Variants in GPC5 observed in about 807,000 individuals in gnomAD.
The protein encoded by GPC5 is glypican 5.
Under a neutral mutation model 53.9 loss-of-function variants are expected in GPC5, and 47 were observed. The observed-to-expected ratio is 0.87, with a 90% CI of 0.69 to 1.11. The LOEUF (loss-of-function observed/expected upper bound fraction) is 1.11. Ranked by LOEUF, GPC5 falls within the 50% of genes most tolerant of loss-of-function variation. GPC5 has a pLI of 0.00. For synonymous variants in GPC5, 286 were observed against 263.3 expected (o/e 1.09, Z -0.84); for missense variants, 748 against 713.1 (o/e 1.05, Z -0.56).
intron 2 of GPC5, among the ~76,000 whole-genome samples, chr13:91,549,442 G>A (rs1594239622): frequency 6.6e-6 from 1 of 152,056 alleles, no homozygotes; most frequent in Admixed American, 6.6e-5. Context: ...TGAAAAAGAT[G>A]ATGTCAAGAG....
chr13:92,610,561 C>G (rs1171246143), intron 7 of GPC5, among the ~76,000 whole-genome samples: 2 of 152,154 alleles, frequency 1.3e-5, no homozygotes, highest in African/African-American at 4.8e-5. Flanking sequence ...GAACAGCATT[C>G]AGCATTTCTG....
At chr13:91,597,017 A>G (rs961330804) in intron 2 of GPC5, among the ~76,000 whole-genome samples, 3 of 152,164 alleles carry the variant, frequency 2.0e-5, no homozygotes, top group Non-Finnish European at 2.9e-5. Flanking sequence ...CCCTAACTCA[A>G]TAAATCTTCC....
chr13:91,892,700 G>T (rs1484081681), intron 5 of GPC5, among the ~76,000 whole-genome samples: 1 of 151,570 alleles, frequency 6.6e-6, no homozygotes, highest in Non-Finnish European at 1.5e-5. Context: ...AATATATTTA[G>T]ACTTTCTATA....
At chr13:92,610,671 A>T (rs2139094444) in intron 7 of GPC5, among the ~76,000 whole-genome samples, 1 of 152,304 alleles carries the variant, frequency 6.6e-6, no homozygotes, top group African/African-American at 2.4e-5. Flanking sequence ...GATTTAATTG[A>T]CTCATAGTTC....
intron 7 of GPC5, among the ~76,000 whole-genome samples, chr13:92,477,775 G>A (rs956828785): frequency 2.0e-5 from 3 of 152,100 alleles, no homozygotes; most frequent in African/African-American, 7.2e-5. Context: ...TTACTGAAAT[G>A]AAAGCATGCA....
intron 2 of GPC5, among the ~76,000 whole-genome samples, chr13:91,645,167 C>T (rs569435223): frequency 4.2e-4 from 64 of 152,328 alleles, no homozygotes; most frequent in African/African-American, 1.4e-3. Flanking sequence ...GAAGCTCTTT[C>T]AACAGGTACT....
intron 7 of GPC5, among the ~76,000 whole-genome samples, chr13:92,512,630 A>G (rs1049973727): frequency 2.0e-5 from 3 of 152,158 alleles, no homozygotes; most frequent in East Asian, 1.9e-4. Flanking sequence ...CCCTATGCCA[A>G]TATCCAGTTA....
At chr13:92,558,575 A>C (rs1331095432) in intron 7 of GPC5, among the ~76,000 whole-genome samples, 1 of 152,006 alleles carries the variant, frequency 6.6e-6, no homozygotes, top group Non-Finnish European at 1.5e-5. Flanking sequence ...TTTTAAAAAC[A>C]TGGTTTCTTG....
intron 6 of GPC5, among the ~76,000 whole-genome samples, chr13:92,027,789 C>T (rs1225935770): frequency 6.6e-6 from 1 of 152,160 alleles, no homozygotes; most frequent in East Asian, 1.9e-4. Flanking sequence ...GAATGGACAT[C>T]CCTGAGATAA....
At chr13:91,666,883 A>C (rs1032451011) in intron 2 of GPC5, among the ~76,000 whole-genome samples, 6 of 152,326 alleles carry the variant, frequency 3.9e-5, no homozygotes, top group African/African-American at 1.4e-4. Context: ...TTTTAGGTAT[A>C]GAATCACATA....
At chr13:92,242,580 A>G (rs925106194) in intron 7 of GPC5, among the ~76,000 whole-genome samples, 1 of 151,998 alleles carries the variant, frequency 6.6e-6, no homozygotes, top group Non-Finnish European at 1.5e-5. Context: ...ATGTAACCAC[A>G]AAATTAAAAA....
At position 92,217,238 on chromosome 13, in the gene GPC5, A is replaced by G. The variant is rs79437203; in HGVS notation, c.1561+72249A>G. 7.2e-5 allele frequency among the ~76,000 whole-genome samples: 11 copies of G among 152,302 alleles called. No individual in the cohort carries two copies. In the East Asian group the frequency reaches 1.7e-3, roughly 24 times the overall value. On this transcript the variant is annotated intron_variant, in intron 7 of 7. Coordinates refer to ENST00000377067, the MANE Select transcript of GPC5 (RefSeq NM_004466.6). Reference sequence around the variant, plus strand: ...ACAGAAAGCATACTTTTAACTACCAATGGCTGTGTACTGACAAGGTTCTTT... The same window carrying G: ...ACAGAAAGCATACTTTTAACTACCAGTGGCTGTGTACTGACAAGGTTCTTT...
chr13:92,679,822 T>G (rs1294613137), intron 7 of GPC5, among the ~76,000 whole-genome samples: 1 of 152,108 alleles, frequency 6.6e-6, no homozygotes, highest in African/African-American at 2.4e-5. Flanking sequence ...TCATGCACTC[T>G]CTCTCGCTCG....
intron 7 of GPC5, among the ~76,000 whole-genome samples, chr13:92,685,570 T>TTTTAA (rs1887246761): frequency 6.9e-6 from 1 of 143,988 alleles, no homozygotes; most frequent in African/African-American, 2.6e-5. Context: ...ATTTTTTTTT[T>TTTTAA]TTTTATTATA....
intron 7 of GPC5, among the ~76,000 whole-genome samples, chr13:92,555,782 A>G (rs1424415888): frequency 6.7e-6 from 1 of 150,038 alleles, no homozygotes; most frequent in Non-Finnish European, 1.5e-5. Context: ...TATGTTTAAA[A>G]TATATATTAC....
intron 7 of GPC5, among the ~76,000 whole-genome samples, chr13:92,190,345 G>T (rs999941163): frequency 6.6e-6 from 1 of 151,986 alleles, no homozygotes; most frequent in African/African-American, 2.4e-5. Flanking sequence ...TCAGAGAGAA[G>T]AAAAAATTAT....
At chr13:92,055,679 C>T (rs1247824946) in intron 6 of GPC5, among the ~76,000 whole-genome samples, 1 of 152,156 alleles carries the variant, frequency 6.6e-6, no homozygotes, top group Non-Finnish European at 1.5e-5. Flanking sequence ...GGGAAGAACC[C>T]TGAATTTATA....
chr13:92,651,046 C>G (rs1227420648), intron 7 of GPC5, among the ~76,000 whole-genome samples: 1 of 151,956 alleles, frequency 6.6e-6, no homozygotes, highest in Admixed American at 6.6e-5. Flanking sequence ...ATGATGGCTT[C>G]CAGCTTCATC....
intron 5 of GPC5, among the ~76,000 whole-genome samples, chr13:91,854,470 A>G (rs764012723): frequency 4.6e-5 from 7 of 151,790 alleles, no homozygotes; most frequent in Non-Finnish European, 1.0e-4. Context: ...GCTATCAAAT[A>G]CTGTAATAGG....
Sources: gnomAD v4.1 joint callset for allele counts (sites outside exome capture counted in the v4.1 genomes callset) on GRCh38, gnomAD v4.1.1 for gene constraint, MANE v1.5 for transcripts, NCBI Gene and HGNC (gene_info 2026-07-23, HGNC 2026-07-21) for gene names.